KCNN3: variants seen among roughly 807,000 people sequenced by gnomAD.
KCNN3 encodes potassium calcium-activated channel subfamily N member 3, also known as small conductance calcium-activated potassium channel protein 3.
A neutral mutation model predicts 62.9 loss-of-function variants in KCNN3; 16 were observed. That is an observed-to-expected ratio of 0.25 (90% CI 0.17 to 0.39). The LOEUF (loss-of-function observed/expected upper bound fraction) is 0.39. KCNN3 is among the 10% of genes least tolerant of loss of function. KCNN3 has a pLI of 1.00. For synonymous variants in KCNN3, 370 were observed against 389.2 expected (o/e 0.95, Z 0.58); for missense variants, 599 against 949.4 (o/e 0.63, Z 4.85).
intron 1 of KCNN3, among the ~76,000 whole-genome samples, chr1:154,857,266 G>A (rs367905383): frequency 7.9e-5 from 12 of 152,334 alleles, no homozygotes; most frequent in East Asian, 1.9e-4. Flanking sequence ...CTGCACAGCC[G>A]AGAAGCCACA....
intron 1 of KCNN3, among the ~76,000 whole-genome samples, chr1:154,825,363 C>CTTTT (rs1557994769): frequency 7.7e-6 from 1 of 130,390 alleles, no homozygotes; most frequent in African/African-American, 2.8e-5. Flanking sequence ...TGATGAGAAT[C>CTTTT]ATTTTTTTTT....
chr1:154,720,037 A>T (rs1700315546), intron 5 of KCNN3, among the ~76,000 whole-genome samples: 3 of 152,214 alleles, frequency 2.0e-5, no homozygotes, highest in Non-Finnish European at 4.4e-5. Context: ...AATGCTATTT[A>T]TGTGATACTC....
At chr1:154,745,013 CT>C (rs1416060289) in intron 3 of KCNN3, among the ~76,000 whole-genome samples, 3 of 152,074 alleles carry the variant, frequency 2.0e-5, no homozygotes, top group African/African-American at 7.2e-5. Context: ...GCTTTGAAGA[CT>C]CAGGGCTGAT....
At chr1:154,721,326 G>A (rs1482214827) in intron 5 of KCNN3, among the ~76,000 whole-genome samples, 2 of 135,174 alleles carry the variant, frequency 1.5e-5, no homozygotes, top group Non-Finnish European at 3.1e-5. Flanking sequence ...TTGAGATGGA[G>A]TCTCACTCTG....
At chr1:154,768,651 G>C (rs1164554886) in intron 3 of KCNN3, among the ~76,000 whole-genome samples, 1 of 152,198 alleles carries the variant, frequency 6.6e-6, no homozygotes, top group Non-Finnish European at 1.5e-5. Flanking sequence ...CCCCAGGCAA[G>C]GGGTTTGACC....
At chr1:154,746,086 G>C (rs1700929936) in intron 3 of KCNN3, among the ~76,000 whole-genome samples, 1 of 152,192 alleles carries the variant, frequency 6.6e-6, no homozygotes, top group African/African-American at 2.4e-5. Flanking sequence ...ACTCTGCATA[G>C]TGCCTGACAC....
chr1:154,718,094 C>T (rs997383545), intron 5 of KCNN3, among the ~76,000 whole-genome samples: 2 of 152,056 alleles, frequency 1.3e-5, no homozygotes, highest in Non-Finnish European at 1.5e-5. Context: ...TGCAGCAGTG[C>T]GAGAGGGCAG....
At chr1:154,835,157 C>A (rs926509989) in intron 1 of KCNN3, among the ~76,000 whole-genome samples, 1 of 152,178 alleles carries the variant, frequency 6.6e-6, no homozygotes, top group Non-Finnish European at 1.5e-5. Flanking sequence ...AGATAATGAA[C>A]GTGAAAATAC....
At chr1:154,726,975 C>T (rs1700482269) in intron 4 of KCNN3, among the ~76,000 whole-genome samples, 1 of 152,212 alleles carries the variant, frequency 6.6e-6, no homozygotes, top group African/African-American at 2.4e-5. Flanking sequence ...CAGGGAATTC[C>T]CTGCACATTC....
chr1:154,787,799 C>T (rs576712701), intron 2 of KCNN3, among the ~76,000 whole-genome samples: 67 of 152,336 alleles, frequency 4.4e-4, no homozygotes, highest in African/African-American at 1.6e-3. Flanking sequence ...TCCAGACGCC[C>T]AGAGTCCCCT....
At chr1:154,709,056 C>A (rs2101755615) in intron 7 of KCNN3, among the ~76,000 whole-genome samples, 1 of 152,178 alleles carries the variant, frequency 6.6e-6, no homozygotes, top group Non-Finnish European at 1.5e-5. Context: ...GGCAGGGGTC[C>A]TGAGGGTGCT....
intron 3 of KCNN3, among the ~76,000 whole-genome samples, chr1:154,755,101 C>A (rs1420949877): frequency 2.0e-5 from 3 of 152,114 alleles, no homozygotes; most frequent in Non-Finnish European, 4.4e-5. Context: ...GTTTTCTTGC[C>A]ACCTCCAATT....
chr1:154,850,043 G>A (rs1351347691), intron 1 of KCNN3, among the ~76,000 whole-genome samples: 1 of 152,130 alleles, frequency 6.6e-6, no homozygotes, highest in Non-Finnish European at 1.5e-5. Context: ...CTCCCATTCT[G>A]GCAGGCGCTT....
At chr1:154,725,617 C>T (rs1288824015) in intron 5 of KCNN3, among the ~76,000 whole-genome samples, 5 of 150,872 alleles carry the variant, frequency 3.3e-5, no homozygotes, top group Non-Finnish European at 7.4e-5. Context: ...GATCTCGGCT[C>T]ACTGCAACCT....
intron 1 of KCNN3, among the ~76,000 whole-genome samples, chr1:154,838,213 T>C (rs1651680334): frequency 6.6e-6 from 1 of 152,134 alleles, no homozygotes; most frequent in African/African-American, 2.4e-5. Flanking sequence ...TCTTTGCATC[T>C]TACAGGTCAG....
chr1:154,821,019 C>T (rs112184182), intron 2 of KCNN3, among the ~76,000 whole-genome samples: 199 of 152,322 alleles, frequency 1.3e-3, no homozygotes, highest in African/African-American at 4.5e-3. Context: ...TGTTAAATAG[C>T]GCTTCACAAA....
chr1:154,729,555 A>G (rs1700546977), intron 4 of KCNN3, among the ~76,000 whole-genome samples: 1 of 152,196 alleles, frequency 6.6e-6, no homozygotes, highest in East Asian at 1.9e-4. Flanking sequence ...GAAGCTGGAA[A>G]AACAAGTATC....
rs189360992 is a variant in KCNN3 at position 154,725,784 on chromosome 1, C to G, written c.1701+132G>C. ...GGTCTTGATCTCCTGACCTTGTGATCGACCCTCCTCAGCCTCCTAAAGTGT... is the reference window on the plus strand; with the variant it reads ...GGTCTTGATCTCCTGACCTTGTGATGGACCCTCCTCAGCCTCCTAAAGTGT... On this transcript the variant is annotated intron_variant, in intron 5 of 7. Transcript: ENST00000271915. 9.9e-5 allele frequency: 70 copies of G among 704,578 alleles called. 1 individual carries two copies. In the African/African-American group the frequency reaches 1.0e-3, roughly 11 times the overall value. 43.6% of individuals were successfully genotyped at this position (704,578 alleles called of 1,614,324 possible). A position where few individuals can be genotyped will look rare whatever the true frequency, so the allele number is the denominator to read the frequency against.
At position 154,713,588 on chromosome 1, in the gene KCNN3, C is replaced by T. The variant is rs982219676; in HGVS notation, c.1830-55G>A. 3.0e-5 allele frequency: 43 copies of T among 1,444,678 alleles called. No homozygotes were observed. In the African/African-American group the frequency reaches 5.3e-4, roughly 18 times the overall value. 89.5% of individuals were successfully genotyped at this position (1,444,678 alleles called of 1,614,324 possible). Reference sequence around the variant, plus strand: ...CTTCAAGTCCATGCAAAGGTTTAGCCCCACCAGCAGATCCTCCAGCCCTAC... The same window carrying T: ...CTTCAAGTCCATGCAAAGGTTTAGCTCCACCAGCAGATCCTCCAGCCCTAC... On this transcript the variant is annotated intron_variant, in intron 6 of 7. Coordinates refer to ENST00000271915, the MANE Select transcript of KCNN3 (RefSeq NM_002249.6).
Sources: gnomAD v4.1 joint callset for allele counts (sites outside exome capture counted in the v4.1 genomes callset) on GRCh38, gnomAD v4.1.1 for gene constraint, MANE v1.5 for transcripts, NCBI Gene and HGNC (gene_info 2026-07-23, HGNC 2026-07-21) for gene names.